The following UGDH variants were observed in gnomAD, a reference collection of about 807,000 sequenced individuals.
UGDH encodes UDP-glucose 6-dehydrogenase, also known as UDP-Glc dehydrogenase.
A neutral mutation model predicts 50.6 loss-of-function variants in UGDH; 38 were observed. The ratio of observed to expected loss-of-function variants is 0.75; its 90% CI spans 0.58 to 0.98. The LOEUF is 0.98. UGDH is among the 50% of genes least tolerant of loss of function. UGDH has a pLI of 0.00. For missense variants in UGDH, 465 were observed against 606.2 expected, an observed-to-expected ratio of 0.77 and a Z score of 2.45; for synonymous variants, 168 against 199.9, an observed-to-expected ratio of 0.84 and a Z score of 1.35.
intron 1 of UGDH, among the ~76,000 whole-genome samples, chr4:39,524,264 C>T (rs1746787890): frequency 2.0e-5 from 3 of 152,168 alleles, no homozygotes; most frequent in Admixed American, 2.0e-4. Context: ...CTCGTTGCAG[C>T]TCCTGGGCTT....
At position 39,504,000 on chromosome 4, in the gene UGDH, C is replaced by A. The variant is rs753501746; in HGVS notation, c.1264-15G>T. ...TAATCCAATTCCTGTAAAGACAAAC[C>A]ACAGGAACAATTAAAACACATACGT... On this transcript the variant is annotated splice_polypyrimidine_tract_variant and intron_variant, in intron 10 of 11. Transcript: ENST00000316423. 424 of 1,607,270 alleles carry A rather than the reference C, an allele frequency of 2.6e-4. No homozygotes were observed. Among genetic ancestry groups the A allele is most frequent in the Admixed American group, 4.7e-4 (28 of 59,920 alleles).
chr4:39,510,380 A>G lies in UGDH; in HGVS notation c.636T>C (p.Asn212=), dbSNP rs1746192004. 1 of 1,614,228 alleles carries G rather than the reference A, an allele frequency of 6.2e-7. No individual in the cohort carries two copies. Among genetic ancestry groups the G allele is most frequent in the Non-Finnish European group, 8.5e-7 (1 of 1,180,040 alleles). The change falls in exon 5 of 12, where the codon AAT becomes AAC. Residue 212 remains asparagine (N), a synonymous_variant. Transcript: ENST00000316423. ...WVPREKILTT[N]TWSSELSKLA... is the part of the protein sequence containing the mutation. ...GTTTGGAAAGCTCTGAAGACCAAGT[A>G]TTAGTGGTGAGGATCTTTTCTCTGG... is the stretch of plus-strand genomic sequence containing the variant.
chr4:39,526,247 G>T (rs551461577), intron 1 of UGDH: 1 of 152,278 alleles, frequency 6.6e-6, no homozygotes, highest in South Asian at 2.1e-4. Flanking sequence ...ATGTCTAAGG[G>T]TTATCATGTA....
chr4:39,521,116 C>T (rs548547703), intron 2 of UGDH, among the ~76,000 whole-genome samples: 2 of 150,746 alleles, frequency 1.3e-5, no homozygotes, highest in East Asian at 1.9e-4. Context: ...AAAAAATTAT[C>T]CATAATCTCA....
rs1745807156 is a variant in UGDH, at chr4:39,501,354, A to G, written c.1375-1101T>C. ...CAGTGGCGTGATCTCGGCTCACTGC[A>G]AGCTCTGCCTCCCGGTTCACACCAT... On this transcript the variant is annotated intron_variant, in intron 11 of 11. Coordinates refer to ENST00000316423, the MANE Select transcript of UGDH (RefSeq NM_003359.4). 2.0e-5 allele frequency among the ~76,000 whole-genome samples: 3 copies of G among 150,652 alleles called. No homozygotes were observed. In the South Asian group the frequency reaches 6.3e-4, roughly 32 times the overall value.
chr4:39,510,660 C>G lies in UGDH; in HGVS notation c.465+1G>C. ...AGATTCTAATGCTTCATTTTTTATA[C>G]CTGTAAATTCAAGTTGGGTTTTGTG... is the stretch of plus-strand genomic sequence containing the variant. On this transcript the variant is annotated splice_donor_variant, in intron 4 of 11. Coordinates refer to ENST00000316423, the MANE Select transcript of UGDH (RefSeq NM_003359.4). LOFTEE classifies it high-confidence loss of function. 1 of 1,614,182 alleles carries G rather than the reference C, an allele frequency of 6.2e-7. No homozygotes were observed. Among genetic ancestry groups the G allele is most frequent in the Middle Eastern group, 1.6e-4 (1 of 6,062 alleles).
chr4:39,506,172 G>A (rs1746016520), intron 7 of UGDH, among the ~76,000 whole-genome samples: 1 of 148,292 alleles, frequency 6.7e-6, no homozygotes, highest in East Asian at 2.0e-4. Flanking sequence ...AGGTGGCAGT[G>A]AGCCGAGATC....
rs959574210 is a variant in UGDH at position 39,499,899 on chromosome 4, G to A, written c.*244C>T. The A allele has an allele frequency of 2.1e-4, 60 of 286,068 alleles. No individual in the cohort carries two copies. The East Asian group carries it at 2.4e-3, about 11-fold the overall frequency. 17.7% of individuals were successfully genotyped at this position (286,068 alleles called of 1,614,324 possible). ...CAAAAAATTAGCCAGGCACTGTGGC[G>A]GGTGCCTGTAGTCCCAGCTACTTGG... is the stretch of plus-strand genomic sequence containing the variant. On this transcript the variant is annotated 3_prime_UTR_variant, in exon 12 of 12. Transcript: ENST00000316423.
chr4:39,505,588 A>G (rs757174627), intron 8 of UGDH, 30 bp downstream of exon 8: 1 of 1,553,978 alleles, frequency 6.4e-7, no homozygotes, highest in East Asian at 2.3e-5. Context: ...ACAATCTCAA[A>G]AGGGTTGAAA....
chr4:39,508,474 T>C, intron 7 of UGDH, 92 bp downstream of exon 7: 1 of 1,255,944 alleles, frequency 8.0e-7, no homozygotes, highest in South Asian at 1.3e-5. Flanking sequence ...CCTCAAGTGA[T>C]GCTCTTGCCT....
chr4:39,518,167 G>C (rs755275773), intron 2 of UGDH, among the ~76,000 whole-genome samples: 12 of 152,086 alleles, frequency 7.9e-5, no homozygotes, highest in Non-Finnish European at 1.6e-4. Context: ...CTGACCTCAG[G>C]TGATCCGCCC....
intron 3 of UGDH, among the ~76,000 whole-genome samples, chr4:39,513,804 G>A (rs561063310): frequency 3.3e-5 from 5 of 152,072 alleles, no homozygotes; most frequent in African/African-American, 1.2e-4. Context: ...CACAATGCTG[G>A]GATTACAGGC....
chr4:39,511,861 C>T (rs1746259835), intron 3 of UGDH, among the ~76,000 whole-genome samples: 1 of 151,666 alleles, frequency 6.6e-6, no homozygotes, highest in African/African-American at 2.4e-5. Flanking sequence ...AAGTGCGCCA[C>T]CACACCCGCC....
intron 2 of UGDH, 34 bp from the exon 3 acceptor site, chr4:39,514,218 A>C: frequency 6.8e-7 from 1 of 1,468,964 alleles, no homozygotes; most frequent in Non-Finnish European, 9.3e-7. Flanking sequence ...TTGTACATAT[A>C]GCTTGCCAGT....
intron 10 of UGDH, 134 bp downstream of exon 10, chr4:39,504,283 G>C: frequency 1.3e-6 from 1 of 769,694 alleles, no homozygotes; most frequent in Non-Finnish European, 2.1e-6. Flanking sequence ...ACTCCAGCCA[G>C]GGCGACAGAG....
intron 9 of UGDH, 66 bp downstream of exon 9, chr4:39,505,171 G>A: frequency 6.6e-7 from 1 of 1,515,610 alleles, no homozygotes; most frequent in Non-Finnish European, 8.8e-7. Context: ...AACAACCTAA[G>A]GTTTCCAAAA....
At chr4:39,518,049 C>T (rs1746503563) in intron 2 of UGDH, among the ~76,000 whole-genome samples, 2 of 152,030 alleles carry the variant, frequency 1.3e-5, no homozygotes, top group African/African-American at 4.8e-5. Flanking sequence ...CTGCCTCAGC[C>T]TCCCGAGTAG....
In UGDH at chr4:39,512,211, T is replaced by G. The variant is rs527448676; in HGVS notation, c.265-1350A>C. Among the ~76,000 whole-genome samples the G allele has an allele frequency of 3.3e-5, 5 of 152,280 alleles. No individual in the cohort carries two copies. The East Asian group carries it at 9.6e-4, about 29-fold the overall frequency. On this transcript the variant is annotated intron_variant, in intron 3 of 11. Coordinates refer to ENST00000316423, the MANE Select transcript of UGDH (RefSeq NM_003359.4). The stretch of plus-strand genomic sequence containing the variant: ...AAAAATGAAAGTGCTCTGAAAAGTC[T>G]AAAACTTAAAGGGAATAGGAATTAT...
chr4:39,509,922 A>AAT lies in UGDH; in HGVS notation c.664-16_664-15insAT. On this transcript the variant is annotated splice_polypyrimidine_tract_variant and intron_variant, in intron 5 of 11. Transcript: ENST00000316423. ...GCATTTGCTGCCTTAAAAAAAAAAAACATAGAGAAGAGTAAGATAAGCTAA... is the reference window on the plus strand; with the variant it reads ...GCATTTGCTGCCTTAAAAAAAAAAAAATCATAGAGAAGAGTAAGATAAGCTAA... The AAT allele has an allele frequency of 3.2e-6, 5 of 1,572,986 alleles. No individual in the cohort carries two copies. Among genetic ancestry groups the AAT allele is most frequent in the Non-Finnish European group, 4.3e-6 (5 of 1,170,392 alleles).
Sources: allele counts gnomAD v4.1 joint callset (sites outside exome capture counted in the v4.1 genomes callset), GRCh38; gene constraint gnomAD v4.1.1; transcripts MANE v1.5; gene names NCBI Gene and HGNC (gene_info 2026-07-23, HGNC 2026-07-21).